Variants in SLIT2 observed in about 807,000 individuals in gnomAD.
SLIT2 encodes slit guidance ligand 2, also known as slit homolog 2 protein.
Under a neutral mutation model 185.7 loss-of-function variants are expected in SLIT2, and 41 were observed. The observed-to-expected ratio is 0.22, with a 90% CI of 0.17 to 0.29. The LOEUF (loss-of-function observed/expected upper bound fraction) is 0.29. Among genes scored for constraint, SLIT2 ranks in the 10% least tolerant of loss-of-function variants. The pLI, the probability that SLIT2 is intolerant of heterozygous loss-of-function variation, is 1.00. For missense variants in SLIT2, 1,571 were observed against 1,909.0 expected, an observed-to-expected ratio of 0.82 and a Z score of 3.30; for synonymous variants, 693 against 680.2, an observed-to-expected ratio of 1.02 and a Z score of -0.29.
chr4:20,253,675 T>A lies in SLIT2; in HGVS notation c.-141T>A. 1 of 924,944 alleles carries A rather than the reference T, an allele frequency of 1.1e-6. No homozygotes were observed. Among genetic ancestry groups the A allele is most frequent in the East Asian group, 2.5e-5 (1 of 39,426 alleles). The allele number at this position is 924,944 out of a possible 1,614,324, so 57.3% of individuals were successfully genotyped here. A position where few individuals can be genotyped will look rare whatever the true frequency, so the allele number is the denominator to read the frequency against. ...GAGTGGGCTCTACTGCCTTGTTCCA[T>A]ATTATTTGGTGCACATTTTCCCTGG... On this transcript the variant is annotated 5_prime_UTR_variant, in exon 1 of 37. Coordinates refer to ENST00000504154, the MANE Select transcript of SLIT2 (RefSeq NM_004787.4).
chr4:20,425,311 T>C (rs1577633190), intron 4 of SLIT2, among the ~76,000 whole-genome samples: 2 of 152,166 alleles, frequency 1.3e-5, no homozygotes, highest in African/African-American at 4.8e-5. Flanking sequence ...AAATGTCATT[T>C]TTAAAAAACT....
chr4:20,432,502 C>G (rs1465836742), intron 4 of SLIT2, among the ~76,000 whole-genome samples: 1 of 147,938 alleles, frequency 6.8e-6, no homozygotes, highest in Non-Finnish European at 1.5e-5. Context: ...AGCCTTCATT[C>G]ATAGCTGCAG....
rs1250699111 is a variant in SLIT2 at position 20,254,028 on chromosome 4, A to G, written c.179+34A>G. 9 of 1,577,514 alleles carry G rather than the reference A, an allele frequency of 5.7e-6. No homozygotes were observed. The highest frequency in any genetic ancestry group is 7.7e-6 in the Non-Finnish European group (9 of 1,163,632). On this transcript the variant is annotated intron_variant, in intron 1 of 36. Transcript: ENST00000504154. This position sits in a 1 kb window ranked among gnomAD's most constrained non-coding sequence, Gnocchi z 5.1. ...GCGCTCTTCGTCTTCCCCTCTCCCC[A>G]TCCGGGCCGCGCACCCCTGCCTCCA...
intron 4 of SLIT2, among the ~76,000 whole-genome samples, chr4:20,440,160 C>G (rs1729641705): frequency 6.7e-6 from 1 of 149,790 alleles, no homozygotes; most frequent in Non-Finnish European, 1.5e-5. Context: ...GCTTGTCATT[C>G]TGGCAGAACA....
At chr4:20,362,488 A>G (rs1284468434) in intron 4 of SLIT2, among the ~76,000 whole-genome samples, 1 of 152,074 alleles carries the variant, frequency 6.6e-6, no homozygotes, top group Non-Finnish European at 1.5e-5. Context: ...AATTGTTACA[A>G]TTTTGATCTG....
intron 4 of SLIT2, among the ~76,000 whole-genome samples, chr4:20,299,139 G>T (rs1560295509): frequency 6.6e-6 from 1 of 152,060 alleles, no homozygotes; most frequent in South Asian, 2.1e-4. Flanking sequence ...AGCAAGCAGG[G>T]CCTGTATGAT....
chr4:20,511,911 G>A (rs1719791344), intron 11 of SLIT2, among the ~76,000 whole-genome samples: 1 of 151,470 alleles, frequency 6.6e-6, no homozygotes, highest in Non-Finnish European at 1.5e-5. Context: ...AAAAGAATAA[G>A]CTTTTAATCT....
chr4:20,620,228 G>T lies in SLIT2; in HGVS notation c.*1219G>T. 3.1e-6 allele frequency: 1 copy of T among 323,400 alleles called. No individual in the cohort carries two copies. Among genetic ancestry groups the T allele is most frequent in the South Asian group, 2.6e-5 (1 of 38,436 alleles). 20.0% of individuals were successfully genotyped at this position (323,400 alleles called of 1,614,324 possible). A position where few individuals can be genotyped will look rare whatever the true frequency, so the allele number is the denominator to read the frequency against. ...TTGACCTTTTTTGCCCTTTTGTGGG[G>T]GTGAGGTGGGGATAAAAAGACTGTC... is the stretch of plus-strand genomic sequence containing the variant. On this transcript the variant is annotated 3_prime_UTR_variant, in exon 37 of 37. Coordinates refer to ENST00000504154, the MANE Select transcript of SLIT2 (RefSeq NM_004787.4).
intron 11 of SLIT2, among the ~76,000 whole-genome samples, chr4:20,518,312 G>A (rs561990578): frequency 2.9e-5 from 4 of 139,180 alleles, no homozygotes; most frequent in East Asian, 2.1e-4. Context: ...GAGTGCAGTG[G>A]CGCGATCTCG....
At chr4:20,606,253 G>A (rs1250480720) in intron 33 of SLIT2, among the ~76,000 whole-genome samples, 2 of 152,138 alleles carry the variant, frequency 1.3e-5, no homozygotes, top group African/African-American at 2.4e-5. Flanking sequence ...TCAGCACTTT[G>A]GGAGGCCAAG....
chr4:20,354,761 A>G (rs1722163545), intron 4 of SLIT2, among the ~76,000 whole-genome samples: 1 of 152,100 alleles, frequency 6.6e-6, no homozygotes. Flanking sequence ...TCAGTGAGCA[A>G]AGCCTACCAA....
At chr4:20,357,850 C>A (rs1283684588) in intron 4 of SLIT2, among the ~76,000 whole-genome samples, 2 of 151,888 alleles carry the variant, frequency 1.3e-5, no homozygotes, top group Non-Finnish European at 2.9e-5. Context: ...ACTTTGCTAG[C>A]CCTTTATTGG....
intron 4 of SLIT2, among the ~76,000 whole-genome samples, chr4:20,464,492 A>AT (rs1164891178): frequency 2.6e-5 from 4 of 152,184 alleles, no homozygotes; most frequent in African/African-American, 7.2e-5. Context: ...TGGTGATATA[A>AT]TTACAGACTC....
intron 26 of SLIT2, among the ~76,000 whole-genome samples, chr4:20,556,939 G>C (rs6824425): frequency 0.033 from 4,989 of 152,080 alleles, 345 homozygotes; most frequent in African/African-American, 0.11. Context: ...AAGTGTTAGT[G>C]ATCCAAATGG....
intron 4 of SLIT2, among the ~76,000 whole-genome samples, chr4:20,461,384 T>G (rs1713692423): frequency 2.0e-5 from 3 of 151,972 alleles, no homozygotes; most frequent in Admixed American, 2.0e-4. Flanking sequence ...ATAGAGAGAA[T>G]GAAAGAAAGG....
rs751856650 is a variant in SLIT2, at chr4:20,542,471, C to A, written c.2144-23C>A. 55 of 1,611,522 alleles carry A rather than the reference C, an allele frequency of 3.4e-5. 1 individual carries two copies. Among genetic ancestry groups the A allele is most frequent in the Middle Eastern group, 3.3e-4 (2 of 6,060 alleles). Reference sequence around the variant, plus strand: ...CTTCAAGACCACAAATCTTGGTTTTCCTGTATTTCCTCTGCGATTTAGGAA... The same window carrying A: ...CTTCAAGACCACAAATCTTGGTTTTACTGTATTTCCTCTGCGATTTAGGAA... On this transcript the variant is annotated intron_variant, in intron 20 of 36. Coordinates refer to ENST00000504154, the MANE Select transcript of SLIT2 (RefSeq NM_004787.4).
chr4:20,389,991 A>G (rs997341151), intron 4 of SLIT2, among the ~76,000 whole-genome samples: 6 of 152,070 alleles, frequency 3.9e-5, no homozygotes, highest in Non-Finnish European at 1.5e-5. Context: ...TAAGAATCTC[A>G]GCTAGCTTTG....
At chr4:20,615,262 C>G (rs937824039) in intron 34 of SLIT2, 1 of 152,144 alleles carries the variant, frequency 6.6e-6, no homozygotes, top group Non-Finnish European at 1.5e-5. Flanking sequence ...CCTTTTGACC[C>G]TGCTCTAGAA....
rs35581868 is a variant in SLIT2, at chr4:20,606,481, C to CAAA, written c.3693-3522_3693-3520dup. 2.5e-4 allele frequency among the ~76,000 whole-genome samples: 35 copies of CAAA among 142,732 alleles called. 1 individual carries two copies. The South Asian group carries it at 4.7e-3, about 19-fold the overall frequency. 93.6% of individuals were successfully genotyped at this position (142,732 alleles called of 152,430 possible). ...TGGCTGACAGAGCGAGACTCTGTCT[C>CAAA]AAAAAAAAAAAAGGAATCTAAAATC... On this transcript the variant is annotated intron_variant, in intron 33 of 36. Transcript: ENST00000504154.
Sources: gnomAD v4.1 joint callset for allele counts (sites outside exome capture counted in the v4.1 genomes callset) on GRCh38, gnomAD v4.1.1 for gene constraint, Gnocchi (gnomAD v3.1) non-coding constraint, MANE v1.5 for transcripts, NCBI Gene and HGNC (gene_info 2026-07-23, HGNC 2026-07-21) for gene names.